The following ANXA9 variants were observed in gnomAD, a reference collection of about 807,000 sequenced individuals.
ANXA9 encodes the protein annexin 31.
In ANXA9, 47 loss-of-function variants were observed where a neutral mutation model predicts 51.8. That is an observed-to-expected ratio of 0.91 (90% CI 0.72 to 1.16). The LOEUF (loss-of-function observed/expected upper bound fraction) is 1.16, where lower values mean the gene tolerates loss of function less well. Among genes scored for constraint, ANXA9 ranks in the 50% most tolerant of loss-of-function variants. ANXA9 has a pLI of 0.00. For synonymous variants in ANXA9, 154 were observed against 168.7 expected (o/e 0.91, Z 0.68); for missense variants, 361 against 424.7 (o/e 0.85, Z 1.32).
intron 5 of ANXA9, 77 bp from the exon 6 acceptor site, chr1:150,984,204 T>A: frequency 6.5e-7 from 1 of 1,549,990 alleles, no homozygotes; most frequent in Admixed American, 1.7e-5. Flanking sequence ...ACCAGCCAAA[T>A]CTTCCCAAAC....
upstream of ANXA9, among the ~76,000 whole-genome samples, chr1:150,977,460 C>A (rs587726435): frequency 6.6e-5 from 10 of 152,222 alleles, no homozygotes; most frequent in South Asian, 2.1e-3. Flanking sequence ...TCCCCCAACA[C>A]GCAGGCTGGC....
chr1:150,986,460 C>T, intron 8 of ANXA9, 45 bp downstream of exon 8: 4 of 1,598,314 alleles, frequency 2.5e-6, no homozygotes, highest in Non-Finnish European at 3.4e-6. Context: ...GTTCACCAGG[C>T]AAGGAGACAC....
chr1:150,982,772 A>G (rs1054980041), intron 2 of ANXA9, among the ~76,000 whole-genome samples, 189 bp downstream of exon 2: 1 of 152,182 alleles, frequency 6.6e-6, no homozygotes. Flanking sequence ...GAAGGGAGGC[A>G]TCTACCGCGG....
At chr1:150,979,467 A>C (rs1158610122), upstream of ANXA9, among the ~76,000 whole-genome samples, 2 of 152,156 alleles carry the variant, frequency 1.3e-5, no homozygotes, top group African/African-American at 4.8e-5. Flanking sequence ...CATGTGTCTG[A>C]GGTCAGCCTC....
rs1415948209 is a variant in ANXA9 at position 150,989,194 on chromosome 1, G to C, written c.852+853G>C. Among the ~76,000 whole-genome samples, 5 of 151,676 alleles carry C rather than the reference G, an allele frequency of 3.3e-5. No individual in the cohort carries two copies. In the East Asian group the frequency reaches 6.0e-4, roughly 18 times the overall value. On this transcript the variant is annotated intron_variant, in intron 12 of 13. Coordinates refer to ENST00000368947, the MANE Select transcript of ANXA9 (RefSeq NM_003568.3). ...CGGTTTCACCATGTTGGTCAGGCTGGTCTCAAACTCCTGACCTCAGGTCAT... is the reference window on the plus strand; with the variant it reads ...CGGTTTCACCATGTTGGTCAGGCTGCTCTCAAACTCCTGACCTCAGGTCAT...
At chr1:150,993,885 C>T (rs1001457463) in intron 12 of ANXA9, among the ~76,000 whole-genome samples, 9 of 150,668 alleles carry the variant, frequency 6.0e-5, no homozygotes, top group African/African-American at 2.2e-4. Context: ...CCACGCGCCT[C>T]ATCCTCCCAA....
upstream of ANXA9, among the ~76,000 whole-genome samples, chr1:150,980,651 C>T (rs1401313329): frequency 7.0e-6 from 1 of 143,664 alleles, no homozygotes; most frequent in African/African-American, 2.6e-5. Context: ...GCCATCTCAG[C>T]TCACTGCAAC....
At chr1:150,994,516 C>T (rs1671784043) in intron 12 of ANXA9, 61 bp from the exon 13 acceptor site, 1 of 1,601,172 alleles carries the variant, frequency 6.2e-7, no homozygotes, top group Non-Finnish European at 8.5e-7. Flanking sequence ...CCAAGCCATT[C>T]AACCCCTACT....
intron 12 of ANXA9, among the ~76,000 whole-genome samples, chr1:150,990,718 A>G (rs1224174498): frequency 5.3e-5 from 8 of 152,244 alleles, no homozygotes; most frequent in Middle Eastern, 3.4e-3. Flanking sequence ...GGTAGTGGTG[A>G]GCGCCTGTAA....
upstream of ANXA9, among the ~76,000 whole-genome samples, chr1:150,980,079 CTG>C (rs2102782603): frequency 6.6e-6 from 1 of 152,256 alleles, no homozygotes; most frequent in African/African-American, 2.4e-5. Context: ...ACAGGACACA[CTG>C]TTAAACTATA....
intron 12 of ANXA9, among the ~76,000 whole-genome samples, chr1:150,991,058 G>T (rs1004809722): frequency 6.6e-6 from 1 of 150,706 alleles, no homozygotes; most frequent in African/African-American, 2.4e-5. Flanking sequence ...CAGGAGAATG[G>T]CTTGAACCCA....
chr1:150,988,498 G>A (rs1671623577), intron 12 of ANXA9, among the ~76,000 whole-genome samples, 157 bp downstream of exon 12: 1 of 152,184 alleles, frequency 6.6e-6, no homozygotes, highest in Non-Finnish European at 1.5e-5. Context: ...CAGGGGTGGA[G>A]GAATGAGCTG....
intron 9 of ANXA9, among the ~76,000 whole-genome samples, chr1:150,987,127 G>A (rs1200056143): frequency 2.0e-5 from 3 of 152,092 alleles, no homozygotes; most frequent in Non-Finnish European, 4.4e-5. Flanking sequence ...CAGCACTTTG[G>A]GAGGCTGAAA....
intron 9 of ANXA9, among the ~76,000 whole-genome samples, chr1:150,987,159 G>A (rs1671580362): frequency 6.6e-6 from 1 of 152,068 alleles, no homozygotes; most frequent in African/African-American, 2.4e-5. Flanking sequence ...CTTGAGCCCA[G>A]GAGTCCAAGA....
At chr1:150,991,214 A>G (rs1046229210) in intron 12 of ANXA9, among the ~76,000 whole-genome samples, 1 of 149,978 alleles carries the variant, frequency 6.7e-6, no homozygotes, top group African/African-American at 2.4e-5. Context: ...ATCATGATAC[A>G]TCTGTATTAT....
intron 12 of ANXA9, among the ~76,000 whole-genome samples, chr1:150,990,702 C>A (rs1367575287): frequency 1.3e-5 from 2 of 152,030 alleles, no homozygotes; most frequent in East Asian, 3.9e-4. Context: ...CAAAAATTAG[C>A]CAGGGGGTAG....
At position 150,994,706 on chromosome 1, in the gene ANXA9, C is replaced by G; in HGVS notation, c.975+7C>G. 1.2e-6 allele frequency: 2 copies of G among 1,613,754 alleles called. No homozygotes were observed. Among genetic ancestry groups the G allele is most frequent in the Non-Finnish European group, 1.7e-6 (2 of 1,179,722 alleles). On this transcript the variant is annotated splice_region_variant and intron_variant, in intron 13 of 13. Coordinates refer to ENST00000368947, the MANE Select transcript of ANXA9 (RefSeq NM_003568.3). ...CCTCTACTCTTCTCTCCAGGTGAAA[C>G]TTGGCTACTTCTTAGCCTGGAGCCT...
intron 12 of ANXA9, among the ~76,000 whole-genome samples, chr1:150,992,147 A>G (rs1027459245): frequency 6.6e-6 from 1 of 152,248 alleles, no homozygotes; most frequent in Non-Finnish European, 1.5e-5. Flanking sequence ...AACAACCTTC[A>G]GAAAATCAGC....
intron 7 of ANXA9, 27 bp from the exon 8 acceptor site, chr1:150,986,308 AT>A: frequency 6.2e-7 from 1 of 1,608,040 alleles, no homozygotes; most frequent in Non-Finnish European, 8.5e-7. Context: ...ACTCAGGAGG[AT>A]TCAGAGAGCT....
Sources: gnomAD v4.1 joint callset for allele counts (sites outside exome capture counted in the v4.1 genomes callset) on GRCh38, gnomAD v4.1.1 for gene constraint, MANE v1.5 for transcripts, NCBI Gene and HGNC (gene_info 2026-07-23, HGNC 2026-07-21) for gene names.